PTGFRN: variants seen among roughly 807,000 people sequenced by gnomAD.
PTGFRN encodes prostaglandin F2 receptor inhibitor, also known as prostaglandin F2 receptor negative regulator.
PTGFRN carries 35 observed loss-of-function variants against 83.2 expected under a neutral mutation model. The observed-to-expected ratio is 0.42, with a 90% CI of 0.32 to 0.56. The LOEUF is 0.56. Among genes scored for constraint, PTGFRN ranks in the 20% least tolerant of loss-of-function variants. PTGFRN has a pLI of 0.11. For missense variants in PTGFRN, 1,051 were observed against 1,179.5 expected (o/e 0.89, Z 1.60); for synonymous variants, 519 against 498.6 (o/e 1.04, Z -0.55).
intron 1 of PTGFRN, among the ~76,000 whole-genome samples, chr1:116,926,222 T>G (rs556277240): frequency 2.0e-5 from 3 of 152,364 alleles, no homozygotes; most frequent in African/African-American, 7.2e-5. Context: ...GTGCCTTTTA[T>G]GCTCATATGC....
intron 1 of PTGFRN, among the ~76,000 whole-genome samples, chr1:116,924,380 C>T (rs776848274): frequency 3.3e-5 from 5 of 151,820 alleles, no homozygotes; most frequent in African/African-American, 9.7e-5. Flanking sequence ...CTCCTGACCT[C>T]GTGATCTACC....
intron 3 of PTGFRN, 77 bp downstream of exon 3, chr1:116,945,169 G>C: frequency 6.7e-7 from 1 of 1,499,736 alleles, no homozygotes; most frequent in Non-Finnish European, 8.9e-7. Flanking sequence ...GGGCCAGGGA[G>C]CCCCATGGCC....
intron 1 of PTGFRN, among the ~76,000 whole-genome samples, chr1:116,912,044 A>T (rs558102105): frequency 6.6e-6 from 1 of 152,218 alleles, no homozygotes. Flanking sequence ...CCTGGGTACC[A>T]GTTATGAGGG....
intron 1 of PTGFRN, among the ~76,000 whole-genome samples, chr1:116,937,754 G>A (rs1259037214): frequency 6.6e-6 from 1 of 152,122 alleles, no homozygotes; most frequent in Admixed American, 6.5e-5. Flanking sequence ...AACACATTAG[G>A]AAATTCCTCT....
At chr1:116,912,530 C>T (rs1356321826) in intron 1 of PTGFRN, among the ~76,000 whole-genome samples, 1 of 152,222 alleles carries the variant, frequency 6.6e-6, no homozygotes, top group Non-Finnish European at 1.5e-5. Flanking sequence ...TCTCCCCGTA[C>T]CACAGACTCC....
chr1:116,942,101 G>A lies in PTGFRN; in HGVS notation c.418+18G>A. The stretch of plus-strand genomic sequence containing the variant: ...GGTTAAAGGTACAGTCCTCACATGG[G>A]CTTGTTATGCCAGGGGCCAGACCTT... On this transcript the variant is annotated intron_variant, in intron 2 of 8. Transcript: ENST00000393203. 1 of 1,591,440 alleles carries A rather than the reference G, an allele frequency of 6.3e-7. No individual in the cohort carries two copies. The highest frequency in any genetic ancestry group is 8.6e-7 in the Non-Finnish European group (1 of 1,165,460).
At position 116,945,073 on chromosome 1, in the gene PTGFRN, C is replaced by T. The variant is rs1650162140; in HGVS notation, c.813C>T (p.Thr271=). 1.2e-6 allele frequency: 2 copies of T among 1,612,766 alleles called. No homozygotes were observed. Among genetic ancestry groups the T allele is most frequent in the Non-Finnish European group, 1.7e-6 (2 of 1,179,438 alleles). Residue 271 remains threonine (T), a synonymous_variant, in exon 3 of 9, where the codon ACC becomes ACT. Transcript: ENST00000393203. The part of the protein sequence containing the change: ...EIQEKAVEVA[T]VVIQPSVLRA... ...AAGAAAAGGCCGTGGAAGTTGCCAC[C>T]GTGGTGATCCAGCCATCAGGTGAGC...
intron 7 of PTGFRN, among the ~76,000 whole-genome samples, chr1:116,975,138 G>T (rs1651110182): frequency 6.6e-6 from 1 of 152,232 alleles, no homozygotes; most frequent in Non-Finnish European, 1.5e-5. Flanking sequence ...TAGCACGGCA[G>T]TCTGAGATCG....
chr1:116,934,872 G>A (rs931663514), intron 1 of PTGFRN, among the ~76,000 whole-genome samples: 3 of 152,182 alleles, frequency 2.0e-5, no homozygotes, highest in Non-Finnish European at 4.4e-5. Flanking sequence ...GAGATGCTTT[G>A]AGACTGTCTT....
intron 6 of PTGFRN, among the ~76,000 whole-genome samples, chr1:116,969,221 G>A (rs1279563158): frequency 6.6e-6 from 1 of 151,454 alleles, no homozygotes; most frequent in Admixed American, 6.6e-5. Flanking sequence ...TTTCTTCTAA[G>A]AGTTTTATAG....
rs111477691 is a variant in PTGFRN at position 116,980,850 on chromosome 1, A to G, written c.2168-3830A>G. Among the ~76,000 whole-genome samples, 1,508 of 152,274 alleles carry G rather than the reference A, an allele frequency of 9.9e-3. 27 individuals carry two copies. Among genetic ancestry groups the G allele is most frequent in the African/African-American group, 0.035 (1,441 of 41,540 alleles). On this transcript the variant is annotated intron_variant, in intron 7 of 8. Transcript: ENST00000393203. Reference sequence around the variant, plus strand: ...GCACATGTACCCTAGAACTTAAAGTATAATAATAATAAAAATATGCCCAAA... The same window carrying G: ...GCACATGTACCCTAGAACTTAAAGTGTAATAATAATAAAAATATGCCCAAA...
rs546369052 is a variant in PTGFRN at position 116,917,423 on chromosome 1, A to G, written c.49+7171A>G. Among the ~76,000 whole-genome samples the G allele has an allele frequency of 1.8e-4, 27 of 152,242 alleles. No homozygotes were observed. The South Asian group carries it at 4.8e-3, about 27-fold the overall frequency. ...GACTACTGGGTGTGGACTCCAGAGAAGGTGGCACAGGGGGGTTGGGGTGCA... is the reference window on the plus strand; with the variant it reads ...GACTACTGGGTGTGGACTCCAGAGAGGGTGGCACAGGGGGGTTGGGGTGCA... On this transcript the variant is annotated intron_variant, in intron 1 of 8. Transcript: ENST00000393203.
In PTGFRN at chr1:116,931,066, A is replaced by G. The variant is rs1649786126; in HGVS notation, c.50-10649A>G. 2.0e-5 allele frequency among the ~76,000 whole-genome samples: 3 copies of G among 152,188 alleles called. No individual in the cohort carries two copies. The East Asian group carries it at 5.8e-4, about 29-fold the overall frequency. ...TTTATATCCTTCCTTATACAGGTTG[A>G]GCATCCTTAATTCAAAAATCCAAAA... On this transcript the variant is annotated intron_variant, in intron 1 of 8. Coordinates refer to ENST00000393203, the MANE Select transcript of PTGFRN (RefSeq NM_020440.4).
intron 8 of PTGFRN, among the ~76,000 whole-genome samples, chr1:116,985,718 A>AAG: frequency 6.6e-6 from 1 of 151,568 alleles, no homozygotes; most frequent in African/African-American, 2.4e-5. Context: ...AAAAAAAAAA[A>AAG]AAAGAGACTC....
Position 116,986,923 on chromosome 1 carries a change from A to G in PTGFRN, c.2596A>G (p.Thr866Ala). 1 of 1,614,250 alleles carries G rather than the reference A, an allele frequency of 6.2e-7. No homozygotes were observed. The highest frequency in any genetic ancestry group is 8.5e-7 in the Non-Finnish European group (1 of 1,180,038). Residue 866 changes from threonine to alanine, a missense_variant, in exon 9 of 9, where the codon ACA (threonine) becomes GCA (alanine). This residue lies in a region of PTGFRN where 719 missense variants were observed against 836.6 expected (regional missense o/e 0.86). Coordinates refer to ENST00000393203, the MANE Select transcript of PTGFRN (RefSeq NM_020440.4). ...GTGTTGTAAGAAGGAGGTTCAGGAG[A>G]CACGGCGCGAGCGCCGCAGGCTCAT... ...HWCCKKEVQE[T>A]RRERRRLMSM... is the part of the protein sequence containing the mutation.
intron 6 of PTGFRN, 128 bp downstream of exon 6, chr1:116,967,458 A>T (rs1314803144): frequency 1.0e-5 from 10 of 977,766 alleles, no homozygotes; most frequent in African/African-American, 1.6e-5. Flanking sequence ...GTACCTGTTT[A>T]AAGTGTGTAA....
intron 7 of PTGFRN, among the ~76,000 whole-genome samples, chr1:116,980,497 C>T (rs1424037149): frequency 6.6e-6 from 1 of 152,172 alleles, no homozygotes; most frequent in East Asian, 1.9e-4. Context: ...AAATGTGGCA[C>T]ATATACACCA....
chr1:116,933,906 C>A (rs1649858593), intron 1 of PTGFRN, among the ~76,000 whole-genome samples: 1 of 152,148 alleles, frequency 6.6e-6, no homozygotes, highest in African/African-American at 2.4e-5. Flanking sequence ...TCTTATCTTG[C>A]ATCTGTGGCA....
At chr1:116,914,912 A>T (rs983490859) in intron 1 of PTGFRN, among the ~76,000 whole-genome samples, 4 of 152,154 alleles carry the variant, frequency 2.6e-5, no homozygotes, top group Non-Finnish European at 5.9e-5. Flanking sequence ...AATAATAGCT[A>T]CTATTTCTCG....
Sources: allele counts gnomAD v4.1 joint callset (sites outside exome capture counted in the v4.1 genomes callset), GRCh38; gene constraint gnomAD v4.1.1; regional missense constraint gnomAD v4.1.1; transcripts MANE v1.5; gene names NCBI Gene and HGNC (gene_info 2026-07-23, HGNC 2026-07-21).